GIGYF2: variants seen among roughly 807,000 people sequenced by gnomAD.
GIGYF2 encodes GRB10-interacting GYF protein 2.
In GIGYF2, 25 loss-of-function variants were observed where a neutral mutation model predicts 208.1. That is an observed-to-expected ratio of 0.12 (90% CI 0.09 to 0.17). GIGYF2 has a LOEUF of 0.17. Among genes scored for constraint, GIGYF2 ranks in the 10% least tolerant of loss-of-function variants. The probability of loss-of-function intolerance (pLI) is 1.00; values close to 1 mark genes in which losing one functional copy is unlikely to be tolerated. For synonymous variants in GIGYF2, 534 were observed against 543.8 expected, an observed-to-expected ratio of 0.98 and a Z score of 0.25; for missense variants, 1,302 against 1,579.4, an observed-to-expected ratio of 0.82 and a Z score of 2.98.
chr2:232,830,399 C>T (rs997184850), intron 21 of GIGYF2, among the ~76,000 whole-genome samples: 1 of 152,064 alleles, frequency 6.6e-6, no homozygotes, highest in Non-Finnish European at 1.5e-5. Flanking sequence ...AAACTAGAAC[C>T]CCCAAATCAT....
intron 3 of GIGYF2, among the ~76,000 whole-genome samples, chr2:232,738,142 C>T (rs970331278): frequency 1.3e-5 from 2 of 152,008 alleles, no homozygotes; most frequent in African/African-American, 4.8e-5. Flanking sequence ...GTCTCGAACT[C>T]CTGACCTCAG....
intron 21 of GIGYF2, among the ~76,000 whole-genome samples, chr2:232,825,925 A>C (rs534468576): frequency 2.8e-5 from 4 of 141,130 alleles, no homozygotes; most frequent in African/African-American, 8.1e-5. Context: ...TCATTGTTCA[A>C]CTCCCACCTG....
At chr2:232,801,123 G>T (rs1307017315) in intron 14 of GIGYF2, among the ~76,000 whole-genome samples, 1 of 152,184 alleles carries the variant, frequency 6.6e-6, no homozygotes, top group Non-Finnish European at 1.5e-5. Flanking sequence ...TGAACTCCTG[G>T]CCGTAAGTGG....
rs185424041 is a variant in GIGYF2, at chr2:232,779,476, G to A, written c.533-7674G>A. On this transcript the variant is annotated intron_variant, in intron 8 of 28. Coordinates refer to ENST00000373563, the MANE Select transcript of GIGYF2 (RefSeq NM_001103146.3). ...TGCGATTTCTGGCCTATGTAAGTAG[G>A]TAATCTCACAGCTTTAAAACGTTAG... Among the ~76,000 whole-genome samples, 131 of 152,292 alleles carry A rather than the reference G, an allele frequency of 8.6e-4. No homozygotes were observed. In the Middle Eastern group the frequency reaches 0.01, roughly 12 times the overall value.
intron 3 of GIGYF2, among the ~76,000 whole-genome samples, chr2:232,737,360 A>G (rs1163306270): frequency 6.6e-6 from 1 of 152,190 alleles, no homozygotes; most frequent in Admixed American, 6.5e-5. Context: ...GGCAATCACC[A>G]TTTCCATCCT....
chr2:232,764,688 A>G (rs1020761128), intron 8 of GIGYF2: 5 of 152,232 alleles, frequency 3.3e-5, no homozygotes, highest in Non-Finnish European at 7.3e-5. Flanking sequence ...GGGGGCAGGT[A>G]TTGGACACAA....
At chr2:232,716,420 T>C (rs1466418582) in intron 2 of GIGYF2, among the ~76,000 whole-genome samples, 1 of 140,488 alleles carries the variant, frequency 7.1e-6, no homozygotes, top group African/African-American at 2.6e-5. Context: ...ACTCTGTCAC[T>C]CTGGCTGGAG....
Position 232,844,153 on chromosome 2 carries a change from G to A in GIGYF2, c.2997G>A (p.Thr999=), listed in dbSNP as rs147451955. ...WGNVSKPSGT[T]KSLLEIQQEE... Reference sequence around the variant, plus strand: ...ATGTCAGCAAACCTTCAGGTACCACGAAATCTCTTCTGGAGATCCAGCAGG... The same window carrying A: ...ATGTCAGCAAACCTTCAGGTACCACAAAATCTCTTCTGGAGATCCAGCAGG... The change falls in exon 24 of 29, where the codon ACG becomes ACA. Residue 999 remains threonine, a synonymous_variant. Coordinates refer to ENST00000373563, the MANE Select transcript of GIGYF2 (RefSeq NM_001103146.3). 6.0e-5 allele frequency: 95 copies of A among 1,572,702 alleles called. No individual in the cohort carries two copies. In the African/African-American group the frequency reaches 1.1e-3, roughly 18 times the overall value.
Position 232,859,956 on chromosome 2 carries a change from ACC to A in GIGYF2, c.*3098_*3099del. ...CTGTGTTGCATCAAAGTAGTCACAA[ACC>A]CACTCAGATTCAAGAGAAGGGAGCA... is the stretch of plus-strand genomic sequence containing the variant. On this transcript the variant is annotated 3_prime_UTR_variant, in exon 29 of 29. Transcript: ENST00000373563. The A allele has an allele frequency of 6.6e-6, 1 of 151,950 alleles. No homozygotes were observed. Among genetic ancestry groups the A allele is most frequent in the East Asian group, 1.9e-4 (1 of 5,180 alleles). 9.4% of individuals were successfully genotyped at this position (151,950 alleles called of 1,614,324 possible).
At chr2:232,842,342 C>G (rs1701845718) in intron 23 of GIGYF2, among the ~76,000 whole-genome samples, 2 of 152,182 alleles carry the variant, frequency 1.3e-5, no homozygotes, top group East Asian at 1.9e-4. Flanking sequence ...CAGGCATGAG[C>G]TACCACACCT....
At chr2:232,704,776 C>CT (rs1297433827) in intron 2 of GIGYF2, among the ~76,000 whole-genome samples, 1 of 149,870 alleles carries the variant, frequency 6.7e-6, no homozygotes, top group Non-Finnish European at 1.5e-5. Flanking sequence ...AGCAAGCAGA[C>CT]ATAAGCAAAG....
chr2:232,751,722 G>A (rs1163743177), intron 5 of GIGYF2, among the ~76,000 whole-genome samples: 1 of 152,074 alleles, frequency 6.6e-6, no homozygotes, highest in Non-Finnish European at 1.5e-5. Flanking sequence ...CCAAAATGTG[G>A]TAGACTTTTA....
At chr2:232,841,280 T>A (rs1024822739) in intron 23 of GIGYF2, among the ~76,000 whole-genome samples, 2 of 151,962 alleles carry the variant, frequency 1.3e-5, no homozygotes, top group Non-Finnish European at 2.9e-5. Flanking sequence ...AATAATTATT[T>A]CATTCGTGTT....
chr2:232,789,558 G>A (rs542933696), intron 9 of GIGYF2, among the ~76,000 whole-genome samples: 11 of 152,264 alleles, frequency 7.2e-5, no homozygotes, highest in African/African-American at 2.6e-4. Context: ...ATGGGAGTGT[G>A]GGACTAAGAT....
At chr2:232,852,051 A>G (rs1453103960) in intron 28 of GIGYF2, among the ~76,000 whole-genome samples, 3 of 152,226 alleles carry the variant, frequency 2.0e-5, no homozygotes, top group Non-Finnish European at 4.4e-5. Flanking sequence ...AACATGGCAC[A>G]GGCTGAGGGG....
chr2:232,730,209 G>C (rs888502424), intron 2 of GIGYF2: 3 of 1,250,858 alleles, frequency 2.4e-6, no homozygotes, highest in African/African-American at 1.5e-5. Context: ...GGCATCAGCT[G>C]TACCTGAGAG....
chr2:232,827,851 G>C (rs1242607226), intron 21 of GIGYF2, among the ~76,000 whole-genome samples: 1 of 151,964 alleles, frequency 6.6e-6, no homozygotes, highest in African/African-American at 2.4e-5. Context: ...CTTTAATTAC[G>C]TGTCACACTT....
At chr2:232,835,751 G>C (rs2106412125) in intron 22 of GIGYF2, among the ~76,000 whole-genome samples, 1 of 152,280 alleles carries the variant, frequency 6.6e-6, no homozygotes, top group African/African-American at 2.4e-5. Context: ...GGTGTGCCCA[G>C]AGTGACTCCG....
In GIGYF2 at chr2:232,756,138, A is replaced by C. The variant is rs1351987618; in HGVS notation, c.268-85A>C. 5 of 761,816 alleles carry C rather than the reference A, an allele frequency of 6.6e-6. No homozygotes were observed. The Admixed American group carries it at 7.5e-5, about 11-fold the overall frequency. The allele number at this position is 761,816 out of a possible 1,614,324, so 47.2% of individuals were successfully genotyped here. A position where few individuals can be genotyped will look rare whatever the true frequency, so the allele number is the denominator to read the frequency against. ...ATAGATGCAGTAGGAATGTGGGGAGAAGCAACATGTAGTTTTATCTGTTTC... is the reference window on the plus strand; with the variant it reads ...ATAGATGCAGTAGGAATGTGGGGAGCAGCAACATGTAGTTTTATCTGTTTC... On this transcript the variant is annotated intron_variant, in intron 5 of 28. Coordinates refer to ENST00000373563, the MANE Select transcript of GIGYF2 (RefSeq NM_001103146.3).
Sources: gnomAD v4.1 joint callset for allele counts (sites outside exome capture counted in the v4.1 genomes callset) on GRCh38, gnomAD v4.1.1 for gene constraint, MANE v1.5 for transcripts, NCBI Gene and HGNC (gene_info 2026-07-23, HGNC 2026-07-21) for gene names.